Variants in NELL2 observed in about 807,000 individuals in gnomAD.
NELL2 encodes neural EGFL like 2, also known as protein kinase C-binding protein NELL2.
A neutral mutation model predicts 109.6 loss-of-function variants in NELL2; 41 were observed. The ratio of observed to expected loss-of-function variants is 0.37; its 90% CI spans 0.29 to 0.49. The LOEUF (loss-of-function observed/expected upper bound fraction) is 0.49. NELL2 is among the 20% of genes least tolerant of loss of function. The pLI is 0.98. For synonymous variants in NELL2, 355 were observed against 344.7 expected (o/e 1.03, Z -0.33); for missense variants, 900 against 1,008.3 (o/e 0.89, Z 1.45).
chr12:44,515,020 A>ATT (rs993037017), intron 19 of NELL2, among the ~76,000 whole-genome samples: 1 of 151,596 alleles, frequency 6.6e-6, no homozygotes, highest in Non-Finnish European at 1.5e-5. Flanking sequence ...CAATAGAACA[A>ATT]TTTAGATAAA....
At chr12:44,739,062 A>G (rs976991394) in intron 9 of NELL2, among the ~76,000 whole-genome samples, 2 of 152,178 alleles carry the variant, frequency 1.3e-5, no homozygotes, top group African/African-American at 4.8e-5. Context: ...ACACACATAC[A>G]TATTTTCCAT....
intron 2 of NELL2, among the ~76,000 whole-genome samples, chr12:44,846,881 A>T (rs529204732): frequency 6.6e-6 from 1 of 152,342 alleles, no homozygotes; most frequent in South Asian, 2.1e-4. Context: ...ACCTTCCAAA[A>T]TTAAAAACAA....
At chr12:44,542,438 A>G (rs1260238515) in intron 15 of NELL2, among the ~76,000 whole-genome samples, 1 of 152,096 alleles carries the variant, frequency 6.6e-6, no homozygotes, top group African/African-American at 2.4e-5. Flanking sequence ...AAATATCCAA[A>G]TGCCACTAGT....
Position 44,820,624 on chromosome 12 carries a change from A to G in NELL2, c.185-4488T>C, listed in dbSNP as rs571480451. Among the ~76,000 whole-genome samples the G allele has an allele frequency of 2.5e-3, 333 of 135,758 alleles. 2 individuals are homozygous for G. The highest frequency in any genetic ancestry group is 8.0e-3 in the African/African-American group (295 of 36,984). The allele number at this position is 135,758 out of a possible 152,430, so 89.1% of individuals were successfully genotyped here. ...ACTCCGTCTCAAAAAAAAAAAAAAG[A>G]AAAAGAAAGTAGAACCTAAAGAACT... On this transcript the variant is annotated intron_variant, in intron 2 of 19. Transcript: ENST00000429094.
At chr12:44,631,649 A>G (rs7135950) in intron 13 of NELL2, among the ~76,000 whole-genome samples, 26,025 of 152,018 alleles carry the variant, frequency 0.17, 3,504 homozygotes, top group African/African-American at 0.37. Flanking sequence ...ATGCTCAGGT[A>G]ACAAGCCTAT....
At chr12:44,741,230 AT>A (rs1287073521) in intron 9 of NELL2, among the ~76,000 whole-genome samples, 1 of 152,022 alleles carries the variant, frequency 6.6e-6, no homozygotes, top group African/African-American at 2.4e-5. Flanking sequence ...TCTTAATAAC[AT>A]TTTCTTTTCT....
intron 1 of NELL2, among the ~76,000 whole-genome samples, chr12:44,899,077 C>CA (rs759348735): frequency 2.8e-4 from 42 of 147,470 alleles, no homozygotes; most frequent in African/African-American, 5.7e-4. Flanking sequence ...GAAAAAAAAA[C>CA]AAAAAAAACA....
chr12:44,906,496 G>A (rs1945720542), intron 1 of NELL2, among the ~76,000 whole-genome samples: 1 of 152,066 alleles, frequency 6.6e-6, no homozygotes, highest in Non-Finnish European at 1.5e-5. Context: ...AAAAAATGAT[G>A]ATGGCTCAAA....
At chr12:44,545,840 G>A (rs779550274) in intron 15 of NELL2, among the ~76,000 whole-genome samples, 2 of 152,060 alleles carry the variant, frequency 1.3e-5, no homozygotes, top group Non-Finnish European at 1.5e-5. Context: ...TCAAGGTAAA[G>A]CCAGGAAAGT....
chr12:44,610,263 A>G (rs534022584), intron 14 of NELL2, among the ~76,000 whole-genome samples: 34 of 152,016 alleles, frequency 2.2e-4, no homozygotes, highest in African/African-American at 7.5e-4. Context: ...AACAAAAAAA[A>G]AAACTGTCCT....
At chr12:44,719,282 G>A (rs1407140551) in intron 9 of NELL2, among the ~76,000 whole-genome samples, 1 of 152,144 alleles carries the variant, frequency 6.6e-6, no homozygotes, top group Admixed American at 6.5e-5. Context: ...AAAATTCTAA[G>A]TTGCACATTA....
intron 13 of NELL2, among the ~76,000 whole-genome samples, chr12:44,617,589 G>A (rs1945874168): frequency 7.7e-6 from 1 of 130,412 alleles, no homozygotes; most frequent in African/African-American, 3.6e-5. Flanking sequence ...CTACTTGGGA[G>A]GCTGAGGCAG....
intron 9 of NELL2, among the ~76,000 whole-genome samples, chr12:44,751,206 G>C (rs1356833978): frequency 6.6e-6 from 1 of 152,048 alleles, no homozygotes; most frequent in Non-Finnish European, 1.5e-5. Flanking sequence ...GAAGGGGGAA[G>C]GAAGAAATAG....
chr12:44,856,209 T>C (rs1944679153), intron 2 of NELL2, among the ~76,000 whole-genome samples: 1 of 152,156 alleles, frequency 6.6e-6, no homozygotes. Context: ...TATATAGAGA[T>C]GCTCCCCATC....
In NELL2 at chr12:44,813,849, T is replaced by C. The variant is rs117510762; in HGVS notation, c.335+2137A>G. Among the ~76,000 whole-genome samples, 321 of 152,320 alleles carry C rather than the reference T, an allele frequency of 2.1e-3. 7 individuals carry two copies. In the East Asian group the frequency reaches 0.046, roughly 22 times the overall value. Reference sequence around the variant, plus strand: ...ATACATTTAAAGCCCTGCCTATAACTTTAATAAATCTACCTCACAGGAAGA... The same window carrying C: ...ATACATTTAAAGCCCTGCCTATAACCTTAATAAATCTACCTCACAGGAAGA... On this transcript the variant is annotated intron_variant, in intron 3 of 19. Transcript: ENST00000429094.
At chr12:44,652,730 ATATT>A (rs565766724) in intron 13 of NELL2, among the ~76,000 whole-genome samples, 7 of 152,318 alleles carry the variant, frequency 4.6e-5, no homozygotes, top group Admixed American at 4.6e-4. Context: ...AACTTGAACT[ATATT>A]TATTTAAAGT....
chr12:44,525,031 A>G (rs954941457), intron 16 of NELL2, among the ~76,000 whole-genome samples: 2 of 152,216 alleles, frequency 1.3e-5, no homozygotes. Context: ...TAAGAATTAT[A>G]ATAAGCCAGA....
chr12:44,696,669 A>T (rs566879176), intron 12 of NELL2, among the ~76,000 whole-genome samples: 36 of 152,310 alleles, frequency 2.4e-4, no homozygotes, highest in African/African-American at 8.4e-4. Flanking sequence ...AGATTTTCTT[A>T]TATATAATAT....
intron 12 of NELL2, among the ~76,000 whole-genome samples, chr12:44,682,295 T>G (rs1324566904): frequency 2.0e-5 from 3 of 150,982 alleles, no homozygotes; most frequent in Non-Finnish European, 4.4e-5. Context: ...TTTGTTTGAG[T>G]TCATTGTAGA....
Sources: allele counts gnomAD v4.1 joint callset (sites outside exome capture counted in the v4.1 genomes callset), GRCh38; gene constraint gnomAD v4.1.1; transcripts MANE v1.5; gene names NCBI Gene and HGNC (gene_info 2026-07-23, HGNC 2026-07-21).